Variants in ZFHX3 observed in about 807,000 individuals in gnomAD.
The protein encoded by ZFHX3 is zinc finger homeobox protein 3.
A neutral mutation model predicts 279.1 loss-of-function variants in ZFHX3; 42 were observed. The observed-to-expected ratio is 0.15, with a 90% CI of 0.12 to 0.19. The LOEUF is 0.19. Ranked by LOEUF, ZFHX3 falls within the 10% of genes least tolerant of loss-of-function variation. ZFHX3 has a pLI of 1.00. For missense variants in ZFHX3, 4,981 were observed against 4,754.0 expected (o/e 1.05, Z -1.40); for synonymous variants, 2,293 against 1,957.8 (o/e 1.17, Z -4.52).
At chr16:73,645,088 T>C (rs879696511) in intron 2 of ZFHX3, among the ~76,000 whole-genome samples, 1 of 152,180 alleles carries the variant, frequency 6.6e-6, no homozygotes, top group Non-Finnish European at 1.5e-5. Context: ...TCATGGGACT[T>C]ACAGTGATGG....
intron 1 of ZFHX3, among the ~76,000 whole-genome samples, chr16:73,703,724 G>A (rs7190217): frequency 0.76 from 115,904 of 151,616 alleles, 46,715 homozygotes; most frequent in Non-Finnish European, 0.9. Flanking sequence ...TAACTGAACA[G>A]AAGTACATTA....
At chr16:73,071,408 C>CGGAGGGAG (rs930458196) in intron 8 of ZFHX3, among the ~76,000 whole-genome samples, 1 of 142,326 alleles carries the variant, frequency 7.0e-6, no homozygotes, top group Admixed American at 6.9e-5. Context: ...TGGCCTTGAG[C>CGGAGGGAG]GGAGGGAGGG....
intron 5 of ZFHX3, among the ~76,000 whole-genome samples, chr16:73,204,355 G>A (rs1220358492): frequency 6.6e-6 from 1 of 151,926 alleles, no homozygotes; most frequent in Admixed American, 6.6e-5. Context: ...TTCAATGGGA[G>A]CTCTGAGCTT....
rs535342967 is a variant in ZFHX3 at position 72,861,914 on chromosome 16, C to T, written c.3448+27817G>A. Among the ~76,000 whole-genome samples the T allele has an allele frequency of 6.6e-5, 10 of 152,190 alleles. 1 individual carries two copies. The highest frequency in any genetic ancestry group is 5.9e-4 in the Admixed American group (9 of 15,282). ...CTTGTAATCCCAACTACTAGGGAGGCTGAGGCACGAGAATTGCTTGAACCC... is the reference window on the plus strand; with the variant it reads ...CTTGTAATCCCAACTACTAGGGAGGTTGAGGCACGAGAATTGCTTGAACCC... On this transcript the variant is annotated intron_variant, in intron 4 of 9. Coordinates refer to ENST00000268489, the MANE Select transcript of ZFHX3 (RefSeq NM_006885.4).
At chr16:73,601,026 A>T (rs1335207393) in intron 2 of ZFHX3, among the ~76,000 whole-genome samples, 1 of 152,090 alleles carries the variant, frequency 6.6e-6, no homozygotes, top group African/African-American at 2.4e-5. Flanking sequence ...AAAAAAAAAA[A>T]ATGTTGAGTG....
chr16:73,067,241 G>A (rs1391563544), intron 8 of ZFHX3, among the ~76,000 whole-genome samples: 1 of 152,188 alleles, frequency 6.6e-6, no homozygotes, highest in East Asian at 1.9e-4. Context: ...CCCTCTTTCC[G>A]CAGCCTGGGA....
intron 3 of ZFHX3, among the ~76,000 whole-genome samples, chr16:73,397,798 T>TG (rs979456990): frequency 4.2e-5 from 6 of 144,170 alleles, no homozygotes; most frequent in African/African-American, 1.3e-4. Context: ...GGCAAGACTT[T>TG]GGGGGGTCTT....
intron 1 of ZFHX3, among the ~76,000 whole-genome samples, chr16:73,722,559 A>G (rs2142239648): frequency 6.6e-6 from 1 of 152,356 alleles, no homozygotes; most frequent in East Asian, 1.9e-4. Flanking sequence ...TACTCTATGA[A>G]ATACACTGGC....
At chr16:73,633,525 G>A (rs918836264) in intron 2 of ZFHX3, among the ~76,000 whole-genome samples, 1 of 152,168 alleles carries the variant, frequency 6.6e-6, no homozygotes, top group Non-Finnish European at 1.5e-5. Flanking sequence ...GAGACTATTC[G>A]TAATGTTTTA....
At chr16:73,135,230 T>G (rs1422709798) in intron 6 of ZFHX3, among the ~76,000 whole-genome samples, 1 of 152,204 alleles carries the variant, frequency 6.6e-6, no homozygotes, top group Non-Finnish European at 1.5e-5. Flanking sequence ...TTTCTATGCA[T>G]CTATCCATCT....
chr16:73,456,255 G>C (rs949630886), exon 3 of ZFHX3: 2 of 152,102 alleles, frequency 1.3e-5, no homozygotes, highest in Non-Finnish European at 2.9e-5. Flanking sequence ...TGTTCTCCAA[G>C]TCCCTGGAAA....
chr16:73,650,392 T>C (rs568468633), intron 2 of ZFHX3, among the ~76,000 whole-genome samples: 2 of 150,344 alleles, frequency 1.3e-5, no homozygotes, highest in South Asian at 4.2e-4. Flanking sequence ...TTAAATGGGA[T>C]CTCAAAGACT....
In ZFHX3 at chr16:73,336,705, A is replaced by G. The variant is rs185281302; in HGVS notation, c.-1290-18369T>C. Among the ~76,000 whole-genome samples, 930 of 152,196 alleles carry G rather than the reference A, an allele frequency of 6.1e-3. 5 individuals carry two copies. The highest frequency in any genetic ancestry group is 9.5e-3 in the Non-Finnish European group (648 of 68,024). ...AGTTCCGCGATGAATATACGTGCAC[A>G]TGTGTCTTTAGGGTACAATCATTGA... On this transcript the variant is annotated intron_variant, in intron 3 of 17. Coordinates refer to the ZFHX3 transcript ENST00000641206.
intron 1 of ZFHX3, among the ~76,000 whole-genome samples, chr16:73,781,941 C>T (rs1309811147): frequency 2.6e-5 from 4 of 152,062 alleles, no homozygotes; most frequent in Non-Finnish European, 4.4e-5. Flanking sequence ...GAGCTGAGAT[C>T]GTGCCACTGC....
At position 73,559,123 on chromosome 16, in the gene ZFHX3, C is replaced by T. The variant is rs552852675; in HGVS notation, c.-1546-102865G>A. The stretch of plus-strand genomic sequence containing the variant: ...AGTGCAGTGGTGCTATCACGGCTCA[C>T]TGCAGCTTTGAACTCCGGGGCTCAA... On this transcript the variant is annotated intron_variant, in intron 2 of 17. Coordinates refer to the ZFHX3 transcript ENST00000641206. 1.1e-3 allele frequency among the ~76,000 whole-genome samples: 169 copies of T among 152,072 alleles called. 2 individuals are homozygous for T. The highest frequency in any genetic ancestry group is 3.8e-3 in the African/African-American group (158 of 41,460).
intron 1 of ZFHX3, among the ~76,000 whole-genome samples, chr16:72,972,083 G>A (rs1272812814): frequency 6.6e-6 from 1 of 151,908 alleles, no homozygotes; most frequent in Non-Finnish European, 1.5e-5. Context: ...AGTAGAGTCA[G>A]GGTTTCACCA....
intron 2 of ZFHX3, among the ~76,000 whole-genome samples, chr16:73,555,400 T>C (rs1295700522): frequency 3.9e-5 from 6 of 152,062 alleles, no homozygotes; most frequent in Non-Finnish European, 7.4e-5. Flanking sequence ...GTGATCCGCC[T>C]GCCTCGGCCT....
chr16:73,593,554 A>C (rs1486963335), intron 2 of ZFHX3, among the ~76,000 whole-genome samples: 1 of 150,330 alleles, frequency 6.7e-6, no homozygotes, highest in East Asian at 2.0e-4. Context: ...TAGTATTCAG[A>C]AGAAAAGAAA....
At chr16:73,130,578 T>A (rs1700688021) in intron 7 of ZFHX3, among the ~76,000 whole-genome samples, 1 of 151,946 alleles carries the variant, frequency 6.6e-6, no homozygotes, top group African/African-American at 2.4e-5. Flanking sequence ...AAGTGTGGAG[T>A]ATATAGGGAA....
Sources: gnomAD v4.1 joint callset for allele counts (sites outside exome capture counted in the v4.1 genomes callset) on GRCh38, gnomAD v4.1.1 for gene constraint, MANE v1.5 for transcripts, NCBI Gene and HGNC (gene_info 2026-07-23, HGNC 2026-07-21) for gene names.